The following EPN2 variants were observed in gnomAD, a reference collection of about 807,000 sequenced individuals.
EPN2 encodes epsin-2.
EPN2 carries 34 observed loss-of-function variants against 61.7 expected under a neutral mutation model. The ratio of observed to expected loss-of-function variants is 0.55; its 90% CI spans 0.42 to 0.73. EPN2 has a LOEUF of 0.73. Ranked by LOEUF, EPN2 falls within the 30% of genes least tolerant of loss-of-function variation. EPN2 has a pLI of 0.00. For missense variants in EPN2, 714 were observed against 839.2 expected, an observed-to-expected ratio of 0.85 and a Z score of 1.84; for synonymous variants, 349 against 353.6, an observed-to-expected ratio of 0.99 and a Z score of 0.15.
Position 19,247,422 on chromosome 17 carries a change from T to G in EPN2, c.-294+9891T>G, listed in dbSNP as rs577922435. ...AGGGGGTCAAGAATGGAGAAAAAAT[T>G]TAGAAGTCAGGGAAGCTATCAGGAG... On this transcript the variant is annotated intron_variant, in intron 1 of 10. Transcript: ENST00000314728. 1.2e-4 allele frequency among the ~76,000 whole-genome samples: 19 copies of G among 152,218 alleles called. No homozygotes were observed. In the East Asian group the frequency reaches 3.5e-3, roughly 28 times the overall value.
At chr17:19,239,108 A>C (rs1483596398) in intron 1 of EPN2, among the ~76,000 whole-genome samples, 1 of 152,180 alleles carries the variant, frequency 6.6e-6, no homozygotes, top group Non-Finnish European at 1.5e-5. Context: ...TGTTTTTGGG[A>C]CAAGTGATTG....
At chr17:19,307,728 A>G (rs979178299) in intron 4 of EPN2, among the ~76,000 whole-genome samples, 6 of 152,158 alleles carry the variant, frequency 3.9e-5, no homozygotes, top group African/African-American at 1.4e-4. Context: ...GCAACCTCAC[A>G]TGGTAGAGAA....
In EPN2 at chr17:19,240,599, A is replaced by G. The variant is rs573709428; in HGVS notation, c.-294+3068A>G. Among the ~76,000 whole-genome samples, 33 of 152,246 alleles carry G rather than the reference A, an allele frequency of 2.2e-4. 1 individual carries two copies. In the South Asian group the frequency reaches 6.6e-3, roughly 31 times the overall value. ...AGATGTGAGGAATTACGTAGTTTGT[A>G]TCCCTTTTTTGTCTGCTGGACTTTT... On this transcript the variant is annotated intron_variant, in intron 1 of 10. Transcript: ENST00000314728.
intron 6 of EPN2, among the ~76,000 whole-genome samples, chr17:19,312,761 T>G (rs1424473223): frequency 6.6e-6 from 1 of 152,192 alleles, no homozygotes; most frequent in Non-Finnish European, 1.5e-5. Context: ...AGGAGGGCCC[T>G]CAGGCTGGCC....
Position 19,283,454 on chromosome 17 carries a change from T to C in EPN2, c.335T>C (p.Ile112Thr). Residue 112 changes from isoleucine to threonine, a missense_variant, in exon 3 of 11, where the codon ATT becomes ACT. Physicochemically the swap from Ile to Thr is moderately conservative, Grantham distance 89 (BLOSUM62 -1). Around this residue, in one of 2 missense-constraint regions of EPN2, gnomAD observed 304 missense variants for 417.4 expected, o/e 0.73. Coordinates refer to ENST00000314728, the MANE Select transcript of EPN2 (RefSeq NM_014964.5). The surrounding 1 kb of genome is among the most constrained non-coding windows in gnomAD (Gnocchi z 7.0). Reference protein sequence around the residue: ...AIQTLKDFQYIDRDGKDQGIN... With the variant: ...AIQTLKDFQYTDRDGKDQGIN... ...CAGACCCTGAAGGACTTCCAGTACA[T>C]TGACCGAGATGGCAAGGACCAGGGC... 1 of 1,614,128 alleles carries C rather than the reference T, an allele frequency of 6.2e-7. No individual in the cohort carries two copies.
intron 1 of EPN2, among the ~76,000 whole-genome samples, chr17:19,239,618 G>A (rs181109374): frequency 9.3e-4 from 141 of 152,332 alleles, no homozygotes; most frequent in Non-Finnish European, 1.6e-3. Flanking sequence ...GTAAGTTACT[G>A]TAAGGCATGA....
At chr17:19,293,554 T>A (rs1255076349) in intron 4 of EPN2, among the ~76,000 whole-genome samples, 2 of 147,796 alleles carry the variant, frequency 1.4e-5, no homozygotes, top group African/African-American at 5.0e-5. Flanking sequence ...TTTTTTTTTT[T>A]TTTTTACTTT....
At chr17:19,293,790 G>T (rs2045488696) in intron 4 of EPN2, among the ~76,000 whole-genome samples, 1 of 151,852 alleles carries the variant, frequency 6.6e-6, no homozygotes, top group Non-Finnish European at 1.5e-5. Flanking sequence ...TCTCAGAATT[G>T]AAACAGTGCT....
At position 19,331,988 on chromosome 17, in the gene EPN2, A is replaced by G. The variant is rs779792235; in HGVS notation, c.1547A>G (p.Asn516Ser). 21 of 1,613,896 alleles carry G rather than the reference A, an allele frequency of 1.3e-5. No individual in the cohort carries two copies. Among genetic ancestry groups the G allele is most frequent in the East Asian group, 2.2e-5 (1 of 44,888 alleles). ...ACACCTGAGTCCTTCCTGGGCCCCA[A>G]CGCGGCCCTGGTGAACCTGGACTCA... ...RKTPESFLGP[N>S]AALVNLDSLV... Residue 516 changes from asparagine (N) to serine (S), a missense_variant, in exon 10 of 11, where the codon AAC (asparagine) becomes AGC (serine). This residue lies in a region of EPN2 where 410 missense variants were observed against 421.8 expected (regional missense o/e 0.97). Coordinates refer to ENST00000314728, the MANE Select transcript of EPN2 (RefSeq NM_014964.5).
intron 7 of EPN2, among the ~76,000 whole-genome samples, chr17:19,327,724 T>A (rs1906949097): frequency 6.6e-6 from 1 of 152,068 alleles, no homozygotes; most frequent in African/African-American, 2.4e-5. Context: ...ATACATAATA[T>A]ATATGTGTGT....
In EPN2 at chr17:19,310,571, CTTTTTTT is replaced by C. The variant is rs71155391; in HGVS notation, c.879+592_879+598del. On this transcript the variant is annotated intron_variant, in intron 5 of 10. Coordinates refer to ENST00000314728, the MANE Select transcript of EPN2 (RefSeq NM_014964.5). ...TTTCTTTCTCTCTTTCTCCTTCTTT[CTTTTTTT>C]TTTTTTTTTTTTTTTTTGAATCAGA... Among the ~76,000 whole-genome samples the C allele has an allele frequency of 5.4e-3, 433 of 80,926 alleles. 2 individuals are homozygous for C. The highest frequency in any genetic ancestry group is 0.021 in the African/African-American group (412 of 20,064). 53.1% of individuals were successfully genotyped at this position (80,926 alleles called of 152,430 possible). A position where few individuals can be genotyped will look rare whatever the true frequency, so the allele number is the denominator to read the frequency against.
chr17:19,302,292 G>A (rs537279345), intron 4 of EPN2, among the ~76,000 whole-genome samples: 4 of 152,160 alleles, frequency 2.6e-5, no homozygotes, highest in Non-Finnish European at 2.9e-5. Flanking sequence ...ACGGTTTCCC[G>A]TCCCCATTCT....
At chr17:19,312,966 T>C (rs1906216344) in intron 6 of EPN2, 139 bp from the exon 7 acceptor site, 3 of 837,338 alleles carry the variant, frequency 3.6e-6, no homozygotes, top group Non-Finnish European at 5.6e-6. Flanking sequence ...GACGGCTCAG[T>C]TTCCAAGTTC....
chr17:19,294,762 T>C (rs2045498249), intron 4 of EPN2, among the ~76,000 whole-genome samples: 1 of 152,182 alleles, frequency 6.6e-6, no homozygotes, highest in African/African-American at 2.4e-5. Flanking sequence ...TTTGCCACAC[T>C]TCTCAAATGA....
At chr17:19,317,848 C>T (rs1330057571) in intron 7 of EPN2, among the ~76,000 whole-genome samples, 3 of 152,152 alleles carry the variant, frequency 2.0e-5, no homozygotes, top group East Asian at 1.9e-4. Context: ...AGCCAGCAGG[C>T]GTTCCCTGAG....
intron 4 of EPN2, among the ~76,000 whole-genome samples, chr17:19,307,686 A>C (rs1311648854): frequency 6.6e-6 from 1 of 152,202 alleles, no homozygotes; most frequent in African/African-American, 2.4e-5. Flanking sequence ...TGTGTTTTTA[A>C]GAATTTCATG....
chr17:19,259,633 CA>C lies in EPN2; in HGVS notation c.-294+22106del, dbSNP rs2045119289. Among the ~76,000 whole-genome samples, 4 of 152,186 alleles carry C rather than the reference CA, an allele frequency of 2.6e-5. No homozygotes were observed. In the South Asian group the frequency reaches 8.3e-4, roughly 32 times the overall value. Reference sequence around the variant, plus strand: ...GGCTGAGTATTGGGTCTTTAGGGGTCAAAACTTTTGATCTTTGCTTGCAGTT... The same window carrying C: ...GGCTGAGTATTGGGTCTTTAGGGGTCAAACTTTTGATCTTTGCTTGCAGTT... On this transcript the variant is annotated intron_variant, in intron 1 of 10. Transcript: ENST00000314728.
intron 1 of EPN2, among the ~76,000 whole-genome samples, chr17:19,259,571 C>T (rs986457826): frequency 2.0e-5 from 3 of 152,140 alleles, no homozygotes; most frequent in Admixed American, 2.0e-4. Context: ...CTCGGCCTCC[C>T]AAAGTGCTGG....
chr17:19,267,830 C>T (rs371474471), intron 1 of EPN2, among the ~76,000 whole-genome samples: 1 of 152,202 alleles, frequency 6.6e-6, no homozygotes, highest in East Asian at 1.9e-4. Context: ...CAGGAGCCAC[C>T]GCGTCCGGCC....
Sources: gnomAD v4.1 joint callset for allele counts (sites outside exome capture counted in the v4.1 genomes callset) on GRCh38, gnomAD v4.1.1 for gene constraint, gnomAD v4.1.1 regional missense constraint, Gnocchi (gnomAD v3.1) non-coding constraint, MANE v1.5 for transcripts, NCBI Gene and HGNC (gene_info 2026-07-23, HGNC 2026-07-21) for gene names.